The following GRM7 variants were observed in gnomAD, a reference collection of about 807,000 sequenced individuals.
GRM7 encodes the protein metabotropic glutamate receptor 7.
In GRM7, 35 loss-of-function variants were observed where a neutral mutation model predicts 84.5. The ratio of observed to expected loss-of-function variants is 0.41; its 90% CI spans 0.32 to 0.55. The LOEUF (loss-of-function observed/expected upper bound fraction) is 0.55. GRM7 is among the 20% of genes least tolerant of loss of function. The pLI, the probability that GRM7 is intolerant of heterozygous loss-of-function variation, is 0.19. For missense variants in GRM7, 1,003 were observed against 1,194.6 expected, an observed-to-expected ratio of 0.84 and a Z score of 2.36; for synonymous variants, 487 against 455.1, an observed-to-expected ratio of 1.07 and a Z score of -0.89.
At chr3:7,050,284 CTG>C (rs2124953624) in intron 1 of GRM7, among the ~76,000 whole-genome samples, 1 of 151,962 alleles carries the variant, frequency 6.6e-6, no homozygotes, top group Non-Finnish European at 1.5e-5. Context: ...ACATAAAAGT[CTG>C]TTCTAAAACA....
At chr3:7,653,952 C>T (rs2125116906) in intron 8 of GRM7, among the ~76,000 whole-genome samples, 1 of 152,278 alleles carries the variant, frequency 6.6e-6, no homozygotes, top group African/African-American at 2.4e-5. Flanking sequence ...GCTGGCACCC[C>T]TGCTACTCCC....
At chr3:6,935,362 T>G (rs339016) in intron 1 of GRM7, among the ~76,000 whole-genome samples, 32,389 of 151,792 alleles carry the variant, frequency 0.21, 3,583 homozygotes, top group East Asian at 0.32. Context: ...TTTTTTTTTT[T>G]GAAAAGGAAG....
intron 9 of GRM7, among the ~76,000 whole-genome samples, chr3:7,738,462 C>T (rs181510800): frequency 3.5e-4 from 53 of 152,170 alleles, no homozygotes; most frequent in Non-Finnish European, 5.6e-4. Context: ...ATTTTTATAT[C>T]CAATTTTTTT....
At chr3:7,364,248 T>A (rs1214163225) in intron 4 of GRM7, among the ~76,000 whole-genome samples, 2 of 151,966 alleles carry the variant, frequency 1.3e-5, no homozygotes, top group East Asian at 3.9e-4. Flanking sequence ...AGTTTTCCCT[T>A]TCTTAATGTT....
chr3:7,344,126 C>T lies in GRM7; in HGVS notation c.1033+37474C>T, dbSNP rs149869287. Among the ~76,000 whole-genome samples, 705 of 151,784 alleles carry T rather than the reference C, an allele frequency of 4.6e-3. 8 individuals carry two copies. Among genetic ancestry groups the T allele is most frequent in the African/African-American group, 0.014 (583 of 41,386 alleles). Reference sequence around the variant, plus strand: ...TAACTTTTAAGTTCAGGGGTACAAGCGCAGGTTTATTACATAGGTAAACTT... The same window carrying T: ...TAACTTTTAAGTTCAGGGGTACAAGTGCAGGTTTATTACATAGGTAAACTT... On this transcript the variant is annotated intron_variant, in intron 4 of 9. Transcript: ENST00000357716.
chr3:7,709,734 ACTC>A (rs374364166), intron 9 of GRM7, among the ~76,000 whole-genome samples: 101 of 151,710 alleles, frequency 6.7e-4, no homozygotes, highest in African/African-American at 2.4e-3. Context: ...ACAGCCCAAA[ACTC>A]CTTGCATTGG....
rs146589981 is a variant in GRM7 at position 7,096,661 on chromosome 3, C to G, written c.520-49791C>G. Among the ~76,000 whole-genome samples the G allele has an allele frequency of 2.2e-3, 335 of 152,200 alleles. 1 individual carries two copies. The highest frequency in any genetic ancestry group is 6.8e-3 in the Middle Eastern group (2 of 294). On this transcript the variant is annotated intron_variant, in intron 1 of 9. Transcript: ENST00000357716. ...CACATGAGTCAACTCAACTTACAGC[C>G]CTTGTCCCCTCTGAGGAGGTCAGAA...
intron 1 of GRM7, among the ~76,000 whole-genome samples, chr3:6,878,132 C>A (rs1289656071): frequency 1.3e-5 from 2 of 151,816 alleles, no homozygotes; most frequent in Non-Finnish European, 2.9e-5. Flanking sequence ...ACAAACATGC[C>A]CCCCAAAAAT....
chr3:7,552,901 A>G (rs1156469227), intron 7 of GRM7, among the ~76,000 whole-genome samples: 1 of 152,182 alleles, frequency 6.6e-6, no homozygotes, highest in African/African-American at 2.4e-5. Flanking sequence ...ACTTATGCAA[A>G]TTTCTGCAGC....
chr3:7,639,334 T>C (rs1698256593), intron 8 of GRM7, among the ~76,000 whole-genome samples: 1 of 152,164 alleles, frequency 6.6e-6, no homozygotes, highest in Non-Finnish European at 1.5e-5. Context: ...ACTTCTCCCT[T>C]ACCCAAAAAC....
chr3:7,039,391 T>A (rs1696506920), intron 1 of GRM7, among the ~76,000 whole-genome samples: 1 of 152,222 alleles, frequency 6.6e-6, no homozygotes, highest in South Asian at 2.1e-4. Context: ...GTATCACGGA[T>A]TAAGAAATTC....
intron 5 of GRM7, among the ~76,000 whole-genome samples, chr3:7,448,883 C>A (rs1222983068): frequency 6.6e-6 from 1 of 151,102 alleles, no homozygotes. Context: ...GAAATGGGTC[C>A]CCTCAATTAT....
chr3:7,123,487 C>T (rs9854170), intron 1 of GRM7, among the ~76,000 whole-genome samples: 32,368 of 151,974 alleles, frequency 0.21, 3,621 homozygotes, highest in Middle Eastern at 0.31. Flanking sequence ...GGTGTGGTGG[C>T]TCGCGCTTGT....
At chr3:7,710,541 G>T (rs1334131250) in intron 9 of GRM7, among the ~76,000 whole-genome samples, 1 of 152,074 alleles carries the variant, frequency 6.6e-6, no homozygotes, top group African/African-American at 2.4e-5. Flanking sequence ...CCCCATACCA[G>T]AGGATAAATC....
intron 4 of GRM7, among the ~76,000 whole-genome samples, chr3:7,359,109 C>T (rs1182373409): frequency 2.0e-5 from 2 of 99,670 alleles, no homozygotes; most frequent in Non-Finnish European, 1.9e-5. Context: ...GAGATTCCAT[C>T]TCAAAAAAAA....
intron 1 of GRM7, among the ~76,000 whole-genome samples, chr3:6,972,039 T>C (rs1418349512): frequency 6.6e-6 from 1 of 152,196 alleles, no homozygotes; most frequent in East Asian, 1.9e-4. Context: ...TTCACACAAC[T>C]TAGCAGACAT....
At chr3:7,064,479 T>TATATATATATATATATATATACAC in intron 1 of GRM7, among the ~76,000 whole-genome samples, 214 of 99,286 alleles carry the variant, frequency 2.2e-3, no homozygotes, top group African/African-American at 7.4e-3. Context: ...TATATATATA[T>TATATATATATATATATATATACAC]ACACACATAT....
intron 8 of GRM7, among the ~76,000 whole-genome samples, chr3:7,585,247 T>C (rs893908992): frequency 1.3e-5 from 2 of 152,168 alleles, no homozygotes; most frequent in Non-Finnish European, 2.9e-5. Flanking sequence ...ACTATTTCCT[T>C]TCTGTTGCCT....
chr3:7,628,704 T>G (rs1486241592), intron 8 of GRM7, among the ~76,000 whole-genome samples: 6 of 152,130 alleles, frequency 3.9e-5, no homozygotes, highest in Non-Finnish European at 8.8e-5. Flanking sequence ...TCTCCGAGAA[T>G]AGGTGAGAGT....
Sources: allele counts gnomAD v4.1 joint callset (sites outside exome capture counted in the v4.1 genomes callset), GRCh38; gene constraint gnomAD v4.1.1; transcripts MANE v1.5; gene names NCBI Gene and HGNC (gene_info 2026-07-23, HGNC 2026-07-21).